Variants in DET1 observed in about 807,000 individuals in gnomAD.
The protein encoded by DET1 is DET1 partner of COP1 E3 ubiquitin ligase, also known as DET1 homolog.
A neutral mutation model predicts 43.7 loss-of-function variants in DET1; 22 were observed. The observed-to-expected ratio is 0.50, with a 90% CI of 0.36 to 0.72. The LOEUF is 0.72. DET1 is among the 30% of genes least tolerant of loss of function. The pLI is 0.00. For synonymous variants in DET1, 315 were observed against 266.2 expected, an observed-to-expected ratio of 1.18 and a Z score of -1.79; for missense variants, 713 against 713.3, an observed-to-expected ratio of 1.00 and a Z score of 0.00.
At chr15:88,515,674 C>G (rs1450221018) in intron 4 of DET1, among the ~76,000 whole-genome samples, 1 of 148,860 alleles carries the variant, frequency 6.7e-6, no homozygotes, top group Non-Finnish European at 1.5e-5. Context: ...TAAAAACTGA[C>G]TAGATATTTG....
intron 1 of DET1, among the ~76,000 whole-genome samples, chr15:88,539,862 G>A (rs1247693738): frequency 1.3e-5 from 2 of 152,280 alleles, no homozygotes; most frequent in South Asian, 2.1e-4. Context: ...AACCGGTGGT[G>A]GGTTCAAAAC....
In DET1 at chr15:88,531,049, G is replaced by C. The variant is rs1404898037; in HGVS notation, c.657C>G (p.Asn219Lys). 1.2e-6 allele frequency: 2 copies of C among 1,613,772 alleles called. No homozygotes were observed. Among genetic ancestry groups the C allele is most frequent in the Non-Finnish European group, 1.7e-6 (2 of 1,179,798 alleles). ...TGTTTTTGTACAAGTACAGCCCTTG[G>C]TTGTGTGACAAGACCACCTTGTCAC... ...FKCDKVVLSHNQGLYLYKNIL... is the reference protein window; with the variant it reads ...FKCDKVVLSHKQGLYLYKNIL... The change falls in exon 2 of 5, where the codon AAC (asparagine) becomes AAG (lysine). Residue 219 changes from asparagine to lysine, a missense_variant. Transcript: ENST00000268148. The surrounding 1 kb of genome is among the most constrained non-coding windows in gnomAD (Gnocchi z 6.2).
At chr15:88,530,356 G>A (rs1194569371) in intron 2 of DET1, among the ~76,000 whole-genome samples, 1 of 152,162 alleles carries the variant, frequency 6.6e-6, no homozygotes, top group Non-Finnish European at 1.5e-5. Flanking sequence ...TCCATCTCAT[G>A]AGTACTGAAA....
At chr15:88,511,507 A>G, downstream of DET1, 1 of 985,402 alleles carries the variant, frequency 1.0e-6, no homozygotes, top group Non-Finnish European at 1.2e-6. Context: ...CATACAACAC[A>G]TTCCCATTGA....
At chr15:88,530,493 T>A in intron 2 of DET1, 130 bp downstream of exon 2, 1 of 1,434,752 alleles carries the variant, frequency 7.0e-7, no homozygotes, top group East Asian at 2.4e-5. Context: ...ATTTTAAGTT[T>A]GGGCCCTAGG....
At chr15:88,502,220 G>C (rs1013372705) in intron 8 of DET1, 5 of 152,118 alleles carry the variant, frequency 3.3e-5, no homozygotes, top group African/African-American at 4.8e-5. Context: ...ACCCCCAACA[G>C]AAACTTTTAA....
In DET1 at chr15:88,537,389, C is replaced by T. The variant is rs147234153; in HGVS notation, c.-10-5674G>A. Reference sequence around the variant, plus strand: ...TGGATTTTTTGGGGTCTCACTCTGTCGCCCAGGCTGGAGTACAGTGGTACC... The same window carrying T: ...TGGATTTTTTGGGGTCTCACTCTGTTGCCCAGGCTGGAGTACAGTGGTACC... On this transcript the variant is annotated intron_variant, in intron 1 of 4. Transcript: ENST00000268148. 1.7e-3 allele frequency among the ~76,000 whole-genome samples: 266 copies of T among 152,204 alleles called. 5 individuals carry two copies. The South Asian group carries it at 0.042, about 24-fold the overall frequency.
At chr15:88,536,365 T>C (rs2056950330) in intron 1 of DET1, 2 of 777,510 alleles carry the variant, frequency 2.6e-6, no homozygotes, top group Non-Finnish European at 4.8e-6. Context: ...TCTAATTCCT[T>C]GCTGTATTCC....
intron 3 of DET1, among the ~76,000 whole-genome samples, chr15:88,521,867 T>C (rs1349289606): frequency 3.3e-5 from 5 of 151,620 alleles, no homozygotes; most frequent in Admixed American, 3.3e-4. Context: ...TATGCCTCTG[T>C]GTGTGGGTCT....
At chr15:88,542,275 C>CCCT (rs2142345715) in intron 1 of DET1, among the ~76,000 whole-genome samples, 1 of 152,236 alleles carries the variant, frequency 6.6e-6, no homozygotes, top group African/African-American at 2.4e-5. Context: ...GGAGGTCATT[C>CCCT]CCTCCACCCG....
chr15:88,507,968 C>T (rs1023963612), downstream of DET1, among the ~76,000 whole-genome samples: 1 of 152,176 alleles, frequency 6.6e-6, no homozygotes, highest in African/African-American at 2.4e-5. Flanking sequence ...ACCTGAGCTC[C>T]ACCTCCCGTC....
At chr15:88,505,752 A>G (rs963178860) in intron 7 of DET1, 1 of 152,220 alleles carries the variant, frequency 6.6e-6, no homozygotes, top group Non-Finnish European at 1.5e-5. Context: ...ATACTTTCCT[A>G]TATAAGGTGC....
At chr15:88,526,602 T>G (rs1375143220) in intron 3 of DET1, among the ~76,000 whole-genome samples, 1 of 152,082 alleles carries the variant, frequency 6.6e-6, no homozygotes, top group African/African-American at 2.4e-5. Context: ...TCTAACCTCC[T>G]GCCTGGAGAG....
Position 88,531,731 on chromosome 15 carries a change from AAGC to A in DET1, c.-10-19_-10-17del, listed in dbSNP as rs781502776. ...TATCACATCTCTAAACAGAAAAGTA[AAGC>A]AGAAGTCAAGAAAGTGAAACAGAAT... On this transcript the variant is annotated splice_polypyrimidine_tract_variant and intron_variant, in intron 1 of 4. Transcript: ENST00000268148. This position sits in a 1 kb window ranked among gnomAD's most constrained non-coding sequence, Gnocchi z 6.2. The A allele has an allele frequency of 6.3e-7, 1 of 1,578,698 alleles. No homozygotes were observed. Among genetic ancestry groups the A allele is most frequent in the Non-Finnish European group, 8.6e-7 (1 of 1,160,818 alleles).
chr15:88,529,418 A>T (rs1247140429), intron 2 of DET1, among the ~76,000 whole-genome samples: 6 of 152,206 alleles, frequency 3.9e-5, no homozygotes, highest in Admixed American at 6.5e-5. Context: ...GATGCATAAG[A>T]TGAACCAGAT....
At chr15:88,509,171 T>C (rs2056171582), downstream of DET1, among the ~76,000 whole-genome samples, 1 of 152,160 alleles carries the variant, frequency 6.6e-6, no homozygotes, top group African/African-American at 2.4e-5. Context: ...TTTTTTAATG[T>C]GTTTTTAATA....
At chr15:88,522,685 T>C (rs4932451) in intron 3 of DET1, among the ~76,000 whole-genome samples, 8 of 151,242 alleles carry the variant, frequency 5.3e-5, no homozygotes, top group Non-Finnish European at 8.8e-5. Flanking sequence ...ATTTTTTTTG[T>C]ATTTTTTTTT....
intron 1 of DET1, among the ~76,000 whole-genome samples, chr15:88,540,396 C>CA (rs2057075549): frequency 6.6e-6 from 1 of 151,886 alleles, no homozygotes; most frequent in Non-Finnish European, 1.5e-5. Flanking sequence ...TCCAGCCCCC[C>CA]AGGGAGTGAG....
In DET1 at chr15:88,533,845, C is replaced by A. The variant is rs1482909215; in HGVS notation, c.-10-2130G>T. On this transcript the variant is annotated intron_variant, in intron 1 of 4. Coordinates refer to ENST00000268148, the MANE Select transcript of DET1 (RefSeq NM_001144074.3). Reference sequence around the variant, plus strand: ...CTAGCTTGGGCAACAGAGCAAGACCCAATCTCTAAAAAAAAAAAAAAAAAA... The same window carrying A: ...CTAGCTTGGGCAACAGAGCAAGACCAAATCTCTAAAAAAAAAAAAAAAAAA... Among the ~76,000 whole-genome samples, 13 of 70,680 alleles carry A rather than the reference C, an allele frequency of 1.8e-4. 1 individual carries two copies. Among genetic ancestry groups the A allele is most frequent in the African/African-American group, 7.8e-4 (12 of 15,468 alleles). 46.4% of individuals were successfully genotyped at this position (70,680 alleles called of 152,430 possible). A position where few individuals can be genotyped will look rare whatever the true frequency, so the allele number is the denominator to read the frequency against.
Sources: allele counts gnomAD v4.1 joint callset (sites outside exome capture counted in the v4.1 genomes callset), GRCh38; gene constraint gnomAD v4.1.1; non-coding constraint Gnocchi (gnomAD v3.1); transcripts MANE v1.5; gene names NCBI Gene and HGNC (gene_info 2026-07-23, HGNC 2026-07-21).